The following ENTPD5 variants were observed in gnomAD, a reference collection of about 807,000 sequenced individuals.
ENTPD5 encodes the protein nucleoside diphosphate phosphatase ENTPD5.
Under a neutral mutation model 60.2 loss-of-function variants are expected in ENTPD5, and 49 were observed. The ratio of observed to expected loss-of-function variants is 0.81; its 90% CI spans 0.65 to 1.03. ENTPD5 has a LOEUF of 1.03. Among genes scored for constraint, ENTPD5 ranks in the 50% least tolerant of loss-of-function variants. ENTPD5 has a pLI of 0.00. For synonymous variants in ENTPD5, 187 were observed against 185.4 expected, an observed-to-expected ratio of 1.01 and a Z score of -0.07; for missense variants, 480 against 507.6, an observed-to-expected ratio of 0.95 and a Z score of 0.52.
intron 3 of ENTPD5, among the ~76,000 whole-genome samples, chr14:74,005,149 C>T (rs2058631195): frequency 6.6e-6 from 1 of 150,794 alleles, no homozygotes; most frequent in Admixed American, 6.6e-5. Flanking sequence ...GCCTGTAATC[C>T]CAGCTACTCG....
chr14:73,961,878 C>T (rs745411085), downstream of ENTPD5: 16 of 1,614,142 alleles, frequency 9.9e-6, no homozygotes, highest in Middle Eastern at 1.7e-4. Flanking sequence ...GGCTTGCAGG[C>T]CACAAATGCA....
intron 3 of ENTPD5, among the ~76,000 whole-genome samples, chr14:74,001,625 G>A (rs2058510560): frequency 7.8e-6 from 1 of 128,660 alleles, no homozygotes; most frequent in Non-Finnish European, 1.6e-5. Flanking sequence ...CCGAGATCAT[G>A]CCACTACACT....
chr14:73,959,972 A>G (rs2056636004), downstream of ENTPD5: 6 of 1,046,922 alleles, frequency 5.7e-6, no homozygotes, highest in African/African-American at 6.8e-5. Flanking sequence ...GAGTGTACAC[A>G]CGGAAATGCA....
At chr14:74,006,579 G>A (rs1238687225) in intron 3 of ENTPD5, among the ~76,000 whole-genome samples, 2 of 150,826 alleles carry the variant, frequency 1.3e-5, no homozygotes, top group South Asian at 2.1e-4. Flanking sequence ...CACCACACCC[G>A]GCCCTTTTTT....
At chr14:73,982,395 G>T (rs1201935371) in intron 6 of ENTPD5, among the ~76,000 whole-genome samples, 12 of 151,954 alleles carry the variant, frequency 7.9e-5, no homozygotes, top group Admixed American at 7.9e-4. Context: ...ATATTTTATT[G>T]TATGTAAGTT....
rs145619742 is a variant in ENTPD5 at position 73,967,012 on chromosome 14, G to A, written c.1203C>T (p.Leu401=). The change falls in exon 16 of 16, where the codon CTC becomes CTT. Residue 401 remains leucine (L), a splice_region_variant and synonymous_variant. Transcript: ENST00000334696. ...TCTCTATGTTGTTCACTTTCTTTGT[G>A]AGCTGTTGAGAAGAAAAAAAGTCTT... ...FGFADSTVLQ[L]TKKVNNIETG... is the part of the protein sequence containing the mutation. 74 of 1,613,672 alleles carry A rather than the reference G, an allele frequency of 4.6e-5. No individual in the cohort carries two copies. Among genetic ancestry groups the A allele is most frequent in the South Asian group, 4.4e-5 (4 of 91,070 alleles).
At chr14:73,977,959 A>T (rs2057513057) in intron 6 of ENTPD5, among the ~76,000 whole-genome samples, 1 of 152,194 alleles carries the variant, frequency 6.6e-6, no homozygotes, top group African/African-American at 2.4e-5. Flanking sequence ...CATAATACAG[A>T]CCATTGATAT....
chr14:73,991,625 A>AAAAAAAAAAAAG (rs56259684), intron 3 of ENTPD5, among the ~76,000 whole-genome samples: 6 of 127,962 alleles, frequency 4.7e-5, no homozygotes, highest in Admixed American at 8.9e-5. Context: ...AAAAAAAAAA[A>AAAAAAAAAAAAG]ACAATTAGGG....
Position 73,975,957 on chromosome 14 carries a change from G to A in ENTPD5, c.701C>T (p.Thr234Ile), listed in dbSNP as rs1471567278. 6.2e-7 allele frequency: 1 copy of A among 1,613,050 alleles called. No individual in the cohort carries two copies. The highest frequency in any genetic ancestry group is 1.7e-5 in the Admixed American group (1 of 59,980). ...TCACCTATGTGTATAGAGCTTATAA[G>A]TGCTGTTAAACATCTCAAAGGAAGT... ...YLTSFEMFNSTYKLYTHSYLG... is the reference protein window; with the variant it reads ...YLTSFEMFNSIYKLYTHSYLG... Residue 234 changes from threonine to isoleucine, a missense_variant, in exon 10 of 16, where the codon ACT (threonine) becomes ATT (isoleucine). Transcript: ENST00000334696.
At chr14:73,986,073 A>T (rs540250414) in intron 5 of ENTPD5, among the ~76,000 whole-genome samples, 1 of 150,618 alleles carries the variant, frequency 6.6e-6, no homozygotes, top group Non-Finnish European at 1.5e-5. Context: ...CTCCGTCAAA[A>T]AAAAAAAAAA....
intron 11 of ENTPD5, among the ~76,000 whole-genome samples, chr14:73,974,248 T>C (rs181927434): frequency 1.3e-5 from 2 of 152,234 alleles, no homozygotes; most frequent in Admixed American, 1.3e-4. Flanking sequence ...TCATCACATC[T>C]CAAAGAGATC....
rs1197762863 is a variant in ENTPD5, at chr14:73,975,924, C to A, written c.722+12G>T. On this transcript the variant is annotated intron_variant, in intron 10 of 15. Transcript: ENST00000334696. ...AACATGAAATATTCTTCTTCCCTGTCCCCGTCCTCACCTATGTGTATAGAG... is the reference window on the plus strand; with the variant it reads ...AACATGAAATATTCTTCTTCCCTGTACCCGTCCTCACCTATGTGTATAGAG... 6.3e-7 allele frequency: 1 copy of A among 1,582,474 alleles called. No individual in the cohort carries two copies. Among genetic ancestry groups the A allele is most frequent in the Non-Finnish European group, 8.7e-7 (1 of 1,154,564 alleles).
intron 3 of ENTPD5, among the ~76,000 whole-genome samples, chr14:73,993,250 A>T (rs933881082): frequency 1.4e-4 from 22 of 152,078 alleles, no homozygotes; most frequent in African/African-American, 5.3e-4. Flanking sequence ...AGGTGGGAGG[A>T]TCTCTGGATC....
intron 12 of ENTPD5, 83 bp downstream of exon 12, chr14:73,973,794 A>T: frequency 8.5e-7 from 1 of 1,170,408 alleles, no homozygotes; most frequent in Non-Finnish European, 1.3e-6. Flanking sequence ...GCTTCTCTTG[A>T]GTTCTGGAAA....
At chr14:73,961,294 T>G (rs1312306595), downstream of ENTPD5, 2 of 1,613,702 alleles carry the variant, frequency 1.2e-6, no homozygotes, top group Non-Finnish European at 1.7e-6. Flanking sequence ...GTAGCCAGGG[T>G]GGATGCCAAA....
In ENTPD5 at chr14:73,973,981, GA is replaced by G. The variant is rs1434984676; in HGVS notation, c.785-4del. ...CCGGAAAGTGTGCCCATCAGTCCCT[GA>G]AAGAATCCAGGGCACAAGGTAAGAG... On this transcript the variant is annotated splice_polypyrimidine_tract_variant and splice_region_variant and intron_variant, in intron 11 of 15. Transcript: ENST00000334696. The G allele has an allele frequency of 1.2e-6, 2 of 1,613,588 alleles. No homozygotes were observed.
chr14:73,995,446 G>C (rs904476477), intron 3 of ENTPD5, among the ~76,000 whole-genome samples: 2 of 151,728 alleles, frequency 1.3e-5, no homozygotes, highest in Admixed American at 6.6e-5. Flanking sequence ...ACTCCAAAGG[G>C]ATAAACAATA....
downstream of ENTPD5, chr14:73,963,182 C>T (rs770726677): frequency 2.9e-6 from 2 of 679,028 alleles, no homozygotes; most frequent in African/African-American, 1.8e-5. Flanking sequence ...CTGTGAGGAG[C>T]GTATATTAGC....
At chr14:73,995,048 AT>A (rs35990462) in intron 3 of ENTPD5, among the ~76,000 whole-genome samples, 26,984 of 144,428 alleles carry the variant, frequency 0.19, 3,256 homozygotes, top group African/African-American at 0.35. Flanking sequence ...GCCAGGCAGA[AT>A]TTTTTTTTTT....
Sources: allele counts gnomAD v4.1 joint callset (sites outside exome capture counted in the v4.1 genomes callset), GRCh38; gene constraint gnomAD v4.1.1; transcripts MANE v1.5; gene names NCBI Gene and HGNC (gene_info 2026-07-23, HGNC 2026-07-21).